The following COL4A1 variants were observed in gnomAD, a reference collection of about 807,000 sequenced individuals.
COL4A1 encodes the protein collagen alpha-1(IV) chain.
In COL4A1, 40 loss-of-function variants were observed where a neutral mutation model predicts 216.6. The ratio of observed to expected loss-of-function variants is 0.18; its 90% CI spans 0.14 to 0.24. The LOEUF (loss-of-function observed/expected upper bound fraction) is 0.24. Ranked by LOEUF, COL4A1 falls within the 10% of genes least tolerant of loss-of-function variation. The pLI is 1.00. For missense variants in COL4A1, 1,628 were observed against 2,196.8 expected, an observed-to-expected ratio of 0.74 and a Z score of 5.18; for synonymous variants, 839 against 810.7, an observed-to-expected ratio of 1.03 and a Z score of -0.59.
chr13:110,209,867 A>G (rs1879694505), intron 10 of COL4A1, 113 bp downstream of exon 10: 1 of 1,328,982 alleles, frequency 7.5e-7, no homozygotes, highest in Non-Finnish European at 1.1e-6. Context: ...CCATGTCCAA[A>G]TTAAGAGCGA....
rs140778575 is a variant in COL4A1 at position 110,230,915 on chromosome 13, G to A, written c.144+11760C>T. ...AGGACAGGGCACACCCGTTTACCCA[G>A]GGCCTCTACATTCAGATTCAGGGCA... On this transcript the variant is annotated intron_variant, in intron 2 of 51. Transcript: ENST00000375820. Among the ~76,000 whole-genome samples the A allele has an allele frequency of 2.9e-3, 449 of 152,316 alleles. 4 individuals carry two copies. Among genetic ancestry groups the A allele is most frequent in the African/African-American group, 0.01 (427 of 41,570 alleles).
chr13:110,160,743 C>A (rs1566339237), intron 49 of COL4A1, among the ~76,000 whole-genome samples: 6 of 152,204 alleles, frequency 3.9e-5, no homozygotes. Flanking sequence ...GGTTCTCACT[C>A]TGTTGCTCAG....
chr13:110,170,132 AGG>A (rs1877561935), intron 42 of COL4A1, among the ~76,000 whole-genome samples: 1 of 13,784 alleles, frequency 7.3e-5, no homozygotes, highest in South Asian at 3.2e-3. Flanking sequence ...GAAGGAAGGA[AGG>A]AAGGAAGGAA....
Position 110,166,267 on chromosome 13 carries a change from C to G in COL4A1, c.3986G>C (p.Gly1329Ala). The G allele has an allele frequency of 6.2e-7, 1 of 1,612,898 alleles. No homozygotes were observed. Among genetic ancestry groups the G allele is most frequent in the Non-Finnish European group, 8.5e-7 (1 of 1,178,848 alleles). ...KGLPGLQGIK[G>A]DQGDQGVPGA... Reference sequence around the variant, plus strand: ...CGGGACGCCTTGATCGCCTTGATCACCTTTAATTCCCTGGAGGCCAGGAAG... The same window carrying G: ...CGGGACGCCTTGATCGCCTTGATCAGCTTTAATTCCCTGGAGGCCAGGAAG... The change falls in exon 45 of 52, where the codon GGT (glycine) becomes GCT (alanine). Residue 1329 changes from glycine (G) to alanine (A), a missense_variant. Physicochemically the swap from Gly to Ala is moderately conservative, Grantham distance 60. This residue lies in a region of COL4A1 where 345 missense variants were observed against 476.9 expected (regional missense o/e 0.72). Coordinates refer to ENST00000375820, the MANE Select transcript of COL4A1 (RefSeq NM_001845.6).
chr13:110,172,122 T>C (rs1335875257), intron 41 of COL4A1, among the ~76,000 whole-genome samples: 1 of 152,234 alleles, frequency 6.6e-6, no homozygotes, highest in Non-Finnish European at 1.5e-5. Flanking sequence ...CCACGGGCCA[T>C]AAGCATGCCC....
chr13:110,187,030 A>G, intron 25 of COL4A1, 108 bp downstream of exon 25: 1 of 1,390,216 alleles, frequency 7.2e-7, no homozygotes, highest in Non-Finnish European at 1.0e-6. Context: ...CATTTGTGCC[A>G]TCATCAAGGA....
intron 1 of COL4A1, among the ~76,000 whole-genome samples, chr13:110,283,060 T>C (rs975238400): frequency 1.3e-5 from 2 of 149,782 alleles, no homozygotes; most frequent in South Asian, 2.1e-4. Context: ...GCATGGTATC[T>C]TTCTCTCTCT....
chr13:110,222,771 T>TAAAAAAAAAA lies in COL4A1; in HGVS notation c.145-8757_145-8756insTTTTTTTTTT, dbSNP rs751501177. Among the ~76,000 whole-genome samples, 473 of 93,340 alleles carry TAAAAAAAAAA rather than the reference T, an allele frequency of 5.1e-3. 71 individuals are homozygous for TAAAAAAAAAA. Among genetic ancestry groups the TAAAAAAAAAA allele is most frequent in the East Asian group, 0.037 (107 of 2,928 alleles). 61.2% of individuals were successfully genotyped at this position (93,340 alleles called of 152,430 possible). A position where few individuals can be genotyped will look rare whatever the true frequency, so the allele number is the denominator to read the frequency against. ...CTGGGCGACAGAGCCAGACTCTGCTTTAAAAAAAAAAAAAAAAAAAAAAAA... is the reference window on the plus strand; with the variant it reads ...CTGGGCGACAGAGCCAGACTCTGCTTAAAAAAAAAATAAAAAAAAAAAAAAAAAAAAAAAA... On this transcript the variant is annotated intron_variant, in intron 2 of 51. Transcript: ENST00000375820.
intron 2 of COL4A1, among the ~76,000 whole-genome samples, chr13:110,231,941 C>T (rs995421839): frequency 6.6e-6 from 1 of 152,210 alleles, no homozygotes; most frequent in Non-Finnish European, 1.5e-5. Context: ...AGTCCTCAAG[C>T]TCTAGCAAGA....
chr13:110,171,598 C>T (rs184927129), intron 41 of COL4A1, among the ~76,000 whole-genome samples: 12 of 152,166 alleles, frequency 7.9e-5, no homozygotes, highest in Admixed American at 7.2e-4. Flanking sequence ...AGGTTATTTC[C>T]AAAACAAAGG....
In COL4A1 at chr13:110,242,642, A is replaced by C. The variant is rs765883021; in HGVS notation, c.144+33T>G. 4.7e-5 allele frequency: 75 copies of C among 1,608,622 alleles called. No homozygotes were observed. In the Admixed American group the frequency reaches 1.2e-3, roughly 27 times the overall value. ...GTAGTACTTACTGTCCAATTCACAA[A>C]GAAATGTTGTGATTTAAATTTCGGC... is the stretch of plus-strand genomic sequence containing the variant. On this transcript the variant is annotated intron_variant, in intron 2 of 51. Coordinates refer to ENST00000375820, the MANE Select transcript of COL4A1 (RefSeq NM_001845.6).
intron 22 of COL4A1, among the ~76,000 whole-genome samples, chr13:110,193,133 A>T (rs1381097879): frequency 6.6e-6 from 1 of 152,234 alleles, no homozygotes; most frequent in Non-Finnish European, 1.5e-5. Flanking sequence ...CACTGCCCCC[A>T]GCACGCGTCA....
rs559081408 is a variant in COL4A1 at position 110,164,129 on chromosome 13, C to T, written c.4151-568G>A. On this transcript the variant is annotated intron_variant, in intron 46 of 51. Coordinates refer to ENST00000375820, the MANE Select transcript of COL4A1 (RefSeq NM_001845.6). ...TCAGCCTCTCGAGTAGCTGGGACTA[C>T]AGGTATGCACTACCACACCTGGCTA... Among the ~76,000 whole-genome samples, 19 of 151,774 alleles carry T rather than the reference C, an allele frequency of 1.3e-4. No individual in the cohort carries two copies. The East Asian group carries it at 2.7e-3, about 22-fold the overall frequency.
At chr13:110,180,529 G>A (rs547649689) in intron 29 of COL4A1, among the ~76,000 whole-genome samples, 2 of 152,372 alleles carry the variant, frequency 1.3e-5, no homozygotes, top group South Asian at 2.1e-4. Flanking sequence ...AACGTTTATC[G>A]ATGGCCGTTG....
chr13:110,286,693 AC>A (rs1370664176), intron 1 of COL4A1, among the ~76,000 whole-genome samples: 2 of 152,176 alleles, frequency 1.3e-5, no homozygotes, highest in Non-Finnish European at 2.9e-5. Context: ...CCAAAGGTGA[AC>A]AAACCATGAG....
chr13:110,212,050 C>G, intron 6 of COL4A1, 128 bp from the exon 7 acceptor site: 2 of 982,236 alleles, frequency 2.0e-6, no homozygotes, highest in Non-Finnish European at 3.3e-6. Flanking sequence ...AACAGTTTGT[C>G]ACAAGCTGTG....
rs568864500 is a variant in COL4A1, at chr13:110,221,921, G to A, written c.145-7906C>T. On this transcript the variant is annotated intron_variant, in intron 2 of 51. Coordinates refer to ENST00000375820, the MANE Select transcript of COL4A1 (RefSeq NM_001845.6). The stretch of plus-strand genomic sequence containing the variant: ...CCACGTGTGCCTGCGCTCAGGCAGC[G>A]CGTCTGTCATCAACAGCTTAATTCC... Among the ~76,000 whole-genome samples, 10 of 152,328 alleles carry A rather than the reference G, an allele frequency of 6.6e-5. No homozygotes were observed. In the South Asian group the frequency reaches 1.5e-3, roughly 22 times the overall value.
intron 2 of COL4A1, among the ~76,000 whole-genome samples, chr13:110,242,050 A>G (rs78284887): frequency 1.3e-5 from 2 of 152,150 alleles, no homozygotes; most frequent in Non-Finnish European, 2.9e-5. Context: ...TTTTCTGGAT[A>G]AAAAAACAGC....
At chr13:110,263,144 G>A (rs57409672) in intron 1 of COL4A1, among the ~76,000 whole-genome samples, 1 of 152,162 alleles carries the variant, frequency 6.6e-6, no homozygotes, top group Non-Finnish European at 1.5e-5. Flanking sequence ...AATACACAGT[G>A]TATCCTCTCC....
Sources: gnomAD v4.1 joint callset for allele counts (sites outside exome capture counted in the v4.1 genomes callset) on GRCh38, gnomAD v4.1.1 for gene constraint, gnomAD v4.1.1 regional missense constraint, MANE v1.5 for transcripts, NCBI Gene and HGNC (gene_info 2026-07-23, HGNC 2026-07-21) for gene names.